EMP1: variants seen among roughly 807,000 people sequenced by gnomAD.
The protein encoded by EMP1 is tumor-associated membrane protein.
In EMP1, 5 loss-of-function variants were observed where a neutral mutation model predicts 15.7. The ratio of observed to expected loss-of-function variants is 0.32; its 90% CI spans 0.17 to 0.67. The LOEUF (loss-of-function observed/expected upper bound fraction) is 0.67, where lower values mean the gene tolerates loss of function less well. Ranked by LOEUF, EMP1 falls within the 30% of genes least tolerant of loss-of-function variation. EMP1 has a pLI of 0.74. For missense variants in EMP1, 166 were observed against 194.2 expected (o/e 0.85, Z 0.86); for synonymous variants, 78 against 76.7 (o/e 1.02, Z -0.09).
At chr12:13,209,560 G>T (rs147856528) in intron 1 of EMP1, 1 of 152,090 alleles carries the variant, frequency 6.6e-6, no homozygotes, top group Non-Finnish European at 1.5e-5. Flanking sequence ...AATAATAACC[G>T]CAGCTAAAGC....
intron 2 of EMP1, among the ~76,000 whole-genome samples, chr12:13,212,145 G>C (rs1006302543): frequency 6.6e-6 from 1 of 152,136 alleles, no homozygotes; most frequent in South Asian, 2.1e-4. Flanking sequence ...GCAAAGAGTA[G>C]CATGTGAAAG....
chr12:13,211,530 G>A lies in EMP1; in HGVS notation c.20G>A (p.Gly7Asp), dbSNP rs765487297. 6.2e-7 allele frequency: 1 copy of A among 1,611,992 alleles called. No individual in the cohort carries two copies. The highest frequency in any genetic ancestry group is 8.5e-7 in the Non-Finnish European group (1 of 1,179,396). Residue 7 changes from glycine to aspartate, a missense_variant, in exon 2 of 5, where the codon GGT (glycine) becomes GAT (aspartate). Gly to Asp is a moderately conservative substitution (Grantham distance 94). Coordinates refer to ENST00000256951, the MANE Select transcript of EMP1 (RefSeq NM_001423.3). This position sits in a 1 kb window ranked among gnomAD's most constrained non-coding sequence, Gnocchi z 4.7. ...GCCAACATGTTGGTATTGCTGGCTG[G>A]TATCTTTGTGGTCCACATCGCTACT... is the stretch of plus-strand genomic sequence containing the variant. The part of the protein sequence containing the change: MLVLLA[G>D]IFVVHIATVI...
At chr12:13,200,138 T>A (rs1864051527) in intron 1 of EMP1, among the ~76,000 whole-genome samples, 3 of 152,274 alleles carry the variant, frequency 2.0e-5, no homozygotes, top group African/African-American at 7.2e-5. Context: ...CATAGCTGCC[T>A]AACACAAAAG....
intron 1 of EMP1, among the ~76,000 whole-genome samples, chr12:13,209,855 A>T (rs1285820379): frequency 1.3e-5 from 2 of 152,224 alleles, no homozygotes; most frequent in Non-Finnish European, 2.9e-5. Context: ...TACTAATAGC[A>T]GACATGAAAG....
In EMP1 at chr12:13,215,023, G is replaced by A. The variant is rs912422836; in HGVS notation, c.*332G>A. The A allele has an allele frequency of 7.5e-5, 23 of 305,192 alleles. No homozygotes were observed. The highest frequency in any genetic ancestry group is 1.1e-3 in the Middle Eastern group (1 of 906). 18.9% of individuals were successfully genotyped at this position (305,192 alleles called of 1,614,324 possible). A position where few individuals can be genotyped will look rare whatever the true frequency, so the allele number is the denominator to read the frequency against. Reference sequence around the variant, plus strand: ...GCCACAACACCAGCCCCACTTCTGGGTCATGCACTGAGGTCCACAGACCTA... The same window carrying A: ...GCCACAACACCAGCCCCACTTCTGGATCATGCACTGAGGTCCACAGACCTA... On this transcript the variant is annotated 3_prime_UTR_variant, in exon 5 of 5. Coordinates refer to ENST00000256951, the MANE Select transcript of EMP1 (RefSeq NM_001423.3).
chr12:13,211,691 C>G lies in EMP1; in HGVS notation c.78+103C>G, dbSNP rs1864166491. The G allele has an allele frequency of 1.6e-6, 2 of 1,283,126 alleles. No homozygotes were observed. Among genetic ancestry groups the G allele is most frequent in the Non-Finnish European group, 1.1e-6 (1 of 897,622 alleles). 79.5% of individuals were successfully genotyped at this position (1,283,126 alleles called of 1,614,324 possible). On this transcript the variant is annotated intron_variant, in intron 2 of 4. Coordinates refer to ENST00000256951, the MANE Select transcript of EMP1 (RefSeq NM_001423.3). The surrounding 1 kb of genome is among the most constrained non-coding windows in gnomAD (Gnocchi z 4.7). The stretch of plus-strand genomic sequence containing the variant: ...AGCCACAGCCCTTGCCCTTCATGAA[C>G]TTACAGCTCAGTTGTGGGAAAACAA...
intron 2 of EMP1, among the ~76,000 whole-genome samples, chr12:13,212,135 G>A (rs1013766865): frequency 2.6e-5 from 4 of 152,298 alleles, no homozygotes; most frequent in East Asian, 1.9e-4. Flanking sequence ...CAAATTTTGA[G>A]CAAAGAGTAG....
intron 1 of EMP1, among the ~76,000 whole-genome samples, chr12:13,202,233 C>G (rs1276044686): frequency 6.6e-6 from 1 of 152,184 alleles, no homozygotes; most frequent in Non-Finnish European, 1.5e-5. Flanking sequence ...GATTCTTTGT[C>G]CCCTGTGAAG....
rs1397546773 is a variant in EMP1 at position 13,219,776 on chromosome 12, T to C, written c.*5085T>C. ...ACAGACTTTTGAGCTCTTCCCAATA[T>C]AGGAATGTGTTAGTTCTAAAAATTT... On this transcript the variant is annotated 3_prime_UTR_variant, in exon 5 of 5. Transcript: ENST00000256951. 1 of 152,190 alleles carries C rather than the reference T, an allele frequency of 6.6e-6. No individual in the cohort carries two copies. The highest frequency in any genetic ancestry group is 1.5e-5 in the Non-Finnish European group (1 of 68,030). The allele number at this position is 152,190 out of a possible 1,614,324, so 9.4% of individuals were successfully genotyped here.
chr12:13,213,907 A>G (rs752753834), intron 4 of EMP1, 86 bp downstream of exon 4: 2 of 1,571,732 alleles, frequency 1.3e-6, no homozygotes, highest in African/African-American at 1.3e-5. Context: ...AGATTAGCAC[A>G]TGGTTCAGTG....
chr12:13,200,848 T>C (rs1371843684), intron 1 of EMP1, among the ~76,000 whole-genome samples: 3 of 152,218 alleles, frequency 2.0e-5, no homozygotes, highest in Non-Finnish European at 4.4e-5. Flanking sequence ...TCCTCTGCTG[T>C]TGGTGCGCTT....
At position 13,213,513 on chromosome 12, in the gene EMP1, T is replaced by C; in HGVS notation, c.113T>C (p.Val38Ala). Residue 38 changes from valine to alanine, a missense_variant, in exon 3 of 5, where the codon GTA becomes GCA. Coordinates refer to ENST00000256951, the MANE Select transcript of EMP1 (RefSeq NM_001423.3). ...WLVSNTVDAS[V>A]GLWKNCTNIS... ...GTTTCCAATACGGTAGATGCATCAG[T>C]AGGTCTTTGGAAAAACTGTACCAAC... is the stretch of plus-strand genomic sequence containing the variant. The C allele has an allele frequency of 3.1e-6, 5 of 1,614,238 alleles. No individual in the cohort carries two copies. The highest frequency in any genetic ancestry group is 4.2e-6 in the Non-Finnish European group (5 of 1,180,036).
At chr12:13,199,630 C>T (rs1379077857) in intron 1 of EMP1, 1 of 152,188 alleles carries the variant, frequency 6.6e-6, no homozygotes. Flanking sequence ...ATGCAGAAAT[C>T]TAATTTTTAC....
At chr12:13,210,261 G>A (rs1238249185) in intron 1 of EMP1, among the ~76,000 whole-genome samples, 10 of 152,198 alleles carry the variant, frequency 6.6e-5, no homozygotes, top group Non-Finnish European at 1.3e-4. Flanking sequence ...ATTGCAGGAT[G>A]CGCCTGGCCA....
At chr12:13,204,762 A>C (rs548481519) in intron 1 of EMP1, among the ~76,000 whole-genome samples, 18 of 152,170 alleles carry the variant, frequency 1.2e-4, no homozygotes, top group Non-Finnish European at 2.5e-4. Context: ...GCTTTCTCCA[A>C]AGTTTACAGT....
intron 1 of EMP1, among the ~76,000 whole-genome samples, chr12:13,208,586 G>A (rs1433633425): frequency 6.6e-6 from 1 of 152,140 alleles, no homozygotes; most frequent in East Asian, 1.9e-4. Flanking sequence ...ACAAATAATG[G>A]GCCAGTGAAA....
intron 1 of EMP1, among the ~76,000 whole-genome samples, chr12:13,197,254 A>G (rs1374013404): frequency 6.6e-6 from 1 of 152,100 alleles, no homozygotes; most frequent in Non-Finnish European, 1.5e-5. Flanking sequence ...AACTGGCCAG[A>G]TGTTTTTCAC....
At chr12:13,205,745 A>T (rs1220689923) in intron 1 of EMP1, among the ~76,000 whole-genome samples, 1 of 152,258 alleles carries the variant, frequency 6.6e-6, no homozygotes, top group Non-Finnish European at 1.5e-5. Flanking sequence ...AAGAGAGAAA[A>T]GAAAACTGCT....
rs1046219254 is a variant in EMP1, at chr12:13,217,101, A to G, written c.*2410A>G. 4 of 152,342 alleles carry G rather than the reference A, an allele frequency of 2.6e-5. No individual in the cohort carries two copies. Among genetic ancestry groups the G allele is most frequent in the African/African-American group, 9.6e-5 (4 of 41,466 alleles). The allele number at this position is 152,342 out of a possible 1,614,324, so 9.4% of individuals were successfully genotyped here. A position where few individuals can be genotyped will look rare whatever the true frequency, so the allele number is the denominator to read the frequency against. ...GAGGCACTTGTGAAATTTCTTTGAA[A>G]TAGCCAGCTCCTCTAATGTGTCTTC... On this transcript the variant is annotated 3_prime_UTR_variant, in exon 5 of 5. Coordinates refer to ENST00000256951, the MANE Select transcript of EMP1 (RefSeq NM_001423.3).
Sources: allele counts gnomAD v4.1 joint callset (sites outside exome capture counted in the v4.1 genomes callset), GRCh38; gene constraint gnomAD v4.1.1; non-coding constraint Gnocchi (gnomAD v3.1); transcripts MANE v1.5; gene names NCBI Gene and HGNC (gene_info 2026-07-23, HGNC 2026-07-21).